The following MAGI1 variants were observed in gnomAD, a reference collection of about 807,000 sequenced individuals.
The protein encoded by MAGI1 is membrane-associated guanylate kinase, WW and PDZ domain-containing protein 1.
MAGI1 carries 58 observed loss-of-function variants against 139.9 expected under a neutral mutation model. That is an observed-to-expected ratio of 0.41 (90% confidence interval 0.34 to 0.52). The LOEUF is 0.52. MAGI1 is among the 20% of genes least tolerant of loss of function. The pLI, the probability that MAGI1 is intolerant of heterozygous loss-of-function variation, is 0.12. For synonymous variants in MAGI1, 812 were observed against 737.9 expected (o/e 1.10, Z -1.63); for missense variants, 1,874 against 1,901.6 (o/e 0.99, Z 0.27).
chr3:65,625,390 A>C (rs947296769), intron 1 of MAGI1, among the ~76,000 whole-genome samples: 2 of 152,146 alleles, frequency 1.3e-5, no homozygotes, highest in African/African-American at 4.8e-5. Flanking sequence ...TAGAGAGTTG[A>C]AGTAAAGGAA....
chr3:65,801,335 G>A (rs963958202), intron 1 of MAGI1, among the ~76,000 whole-genome samples: 1 of 152,192 alleles, frequency 6.6e-6, no homozygotes, highest in Non-Finnish European at 1.5e-5. Flanking sequence ...TCTGATGAGG[G>A]AAAGAAAATC....
At chr3:65,722,877 T>A (rs1214936428) in intron 1 of MAGI1, among the ~76,000 whole-genome samples, 1 of 151,504 alleles carries the variant, frequency 6.6e-6, no homozygotes, top group African/African-American at 2.4e-5. Flanking sequence ...TAACGGTGAA[T>A]ACTTGTGGGG....
intron 2 of MAGI1, among the ~76,000 whole-genome samples, chr3:65,586,067 G>A (rs2081660069): frequency 6.6e-6 from 1 of 151,984 alleles, no homozygotes; most frequent in South Asian, 2.1e-4. Context: ...AAATTATCAG[G>A]GCGTTGGTGG....
chr3:65,613,615 C>G (rs1401130559), intron 2 of MAGI1, among the ~76,000 whole-genome samples: 4 of 152,122 alleles, frequency 2.6e-5, no homozygotes, highest in Admixed American at 2.0e-4. Flanking sequence ...AGCAACTATA[C>G]AATGGCAATT....
chr3:65,832,082 C>G (rs2042561696), intron 1 of MAGI1, among the ~76,000 whole-genome samples: 1 of 152,192 alleles, frequency 6.6e-6, no homozygotes, highest in Admixed American at 6.5e-5. Flanking sequence ...ATGTTTCCAA[C>G]CAGCCCTCTT....
chr3:65,722,737 A>G (rs1158066150), intron 1 of MAGI1, among the ~76,000 whole-genome samples: 1 of 152,246 alleles, frequency 6.6e-6, no homozygotes, highest in Non-Finnish European at 1.5e-5. Flanking sequence ...TTAGTGTGAC[A>G]TGAAAGCCTC....
At chr3:65,772,963 G>A (rs1234948972) in intron 1 of MAGI1, among the ~76,000 whole-genome samples, 2 of 152,182 alleles carry the variant, frequency 1.3e-5, no homozygotes, top group East Asian at 1.9e-4. Flanking sequence ...GAGGTCATGA[G>A]GTCTGCAGAA....
At chr3:65,673,817 T>C (rs751177619) in intron 1 of MAGI1, among the ~76,000 whole-genome samples, 5 of 152,242 alleles carry the variant, frequency 3.3e-5, no homozygotes, top group East Asian at 3.8e-4. Flanking sequence ...ATATTATAAA[T>C]AGGCGTTTCC....
chr3:65,430,984 T>C, intron 10 of MAGI1, 103 bp from the exon 11 acceptor site: 2 of 1,082,944 alleles, frequency 1.8e-6, no homozygotes, highest in Non-Finnish European at 2.7e-6. Flanking sequence ...GCTTATGCCC[T>C]AGAGCCTTTG....
chr3:65,364,809 G>T (rs1040415560), intron 19 of MAGI1, 44 bp downstream of exon 19: 2 of 1,607,938 alleles, frequency 1.2e-6, no homozygotes, highest in Non-Finnish European at 1.7e-6. Context: ...CATGCTGGGA[G>T]TTACTTTTTT....
At chr3:65,812,468 T>TCACACA (rs1553711393) in intron 1 of MAGI1, among the ~76,000 whole-genome samples, 2 of 89,086 alleles carry the variant, frequency 2.2e-5, no homozygotes, top group African/African-American at 3.2e-5. Context: ...TCTCTCTCTC[T>TCACACA]CACACACACA....
chr3:65,376,180 T>C (rs1942504063), intron 17 of MAGI1, among the ~76,000 whole-genome samples: 1 of 152,174 alleles, frequency 6.6e-6, no homozygotes, highest in Admixed American at 6.6e-5. Flanking sequence ...CCTTTCCAGA[T>C]TCAAAATTAG....
chr3:65,557,728 G>C (rs2080153816), intron 2 of MAGI1, among the ~76,000 whole-genome samples: 3 of 152,122 alleles, frequency 2.0e-5, no homozygotes, highest in African/African-American at 7.2e-5. Context: ...TCTTACCACA[G>C]TATTTCCAGA....
At chr3:65,892,603 T>C (rs1224481630) in intron 1 of MAGI1, among the ~76,000 whole-genome samples, 1 of 152,220 alleles carries the variant, frequency 6.6e-6, no homozygotes, top group Non-Finnish European at 1.5e-5. Context: ...TAACAGCAGC[T>C]AACATTTATG....
intron 2 of MAGI1, among the ~76,000 whole-genome samples, chr3:65,506,533 A>G (rs2077295548): frequency 6.6e-6 from 1 of 152,166 alleles, no homozygotes; most frequent in Non-Finnish European, 1.5e-5. Flanking sequence ...ACCATTTTTC[A>G]AAGTCACACA....
At chr3:65,703,783 A>T (rs1181798036) in intron 1 of MAGI1, among the ~76,000 whole-genome samples, 3 of 152,154 alleles carry the variant, frequency 2.0e-5, no homozygotes, top group Non-Finnish European at 2.9e-5. Context: ...CATTGTACCA[A>T]CTTGCTTGGG....
chr3:65,840,202 A>ACC (rs2058758671), intron 1 of MAGI1, among the ~76,000 whole-genome samples: 1 of 151,418 alleles, frequency 6.6e-6, no homozygotes, highest in Non-Finnish European at 1.5e-5. Context: ...CAAAGATATC[A>ACC]CCTGCAAAGA....
chr3:65,427,785 G>A (rs1478184153), intron 12 of MAGI1, among the ~76,000 whole-genome samples: 1 of 152,178 alleles, frequency 6.6e-6, no homozygotes, highest in African/African-American at 2.4e-5. Context: ...GTGCAGGTAT[G>A]AAAGTGCTTT....
Position 65,430,133 on chromosome 3 carries a change from C to T in MAGI1, c.1554G>A (p.Val518=), listed in dbSNP as rs770334832. ...CACAGGTGTCATTCACACTTACAAT[C>T]ACATCCCCTGTAGAAGGCAAGAGTG... ...ALDGKMETGD[V]IVSVNDTCVL... The change falls in exon 12 of 23, where the codon GTG becomes GTA. Residue 518 remains valine (V), a synonymous_variant. Transcript: ENST00000402939. The T allele has an allele frequency of 6.8e-6, 11 of 1,612,012 alleles. No individual in the cohort carries two copies. In the Middle Eastern group the frequency reaches 5.0e-4, roughly 73 times the overall value.
Sources: gnomAD v4.1 joint callset for allele counts (sites outside exome capture counted in the v4.1 genomes callset) on GRCh38, gnomAD v4.1.1 for gene constraint, MANE v1.5 for transcripts, NCBI Gene and HGNC (gene_info 2026-07-23, HGNC 2026-07-21) for gene names.